CFAP20DC: variants seen among roughly 807,000 people sequenced by gnomAD.
The protein encoded by CFAP20DC is protein CFAP20DC.
In CFAP20DC, 84 loss-of-function variants were observed where a neutral mutation model predicts 101.7. The ratio of observed to expected loss-of-function variants is 0.83; its 90% confidence interval spans 0.69 to 0.99. CFAP20DC has a LOEUF of 0.99. CFAP20DC is among the 50% of genes least tolerant of loss of function. The pLI, the probability that CFAP20DC is intolerant of heterozygous loss-of-function variation, is 0.00. For missense variants in CFAP20DC, 1,007 were observed against 970.3 expected (o/e 1.04, Z -0.50); for synonymous variants, 359 against 351.2 (o/e 1.02, Z -0.25).
At chr3:58,951,061 C>T (rs901976941) in intron 4 of CFAP20DC, among the ~76,000 whole-genome samples, 31 of 151,980 alleles carry the variant, frequency 2.0e-4, no homozygotes, top group African/African-American at 6.8e-4. Context: ...AACAAATTTA[C>T]AAGAAAAAAA....
At position 58,868,676 on chromosome 3, in the gene CFAP20DC, C is replaced by T. The variant is rs976046934; in HGVS notation, c.1015+652G>A. Among the ~76,000 whole-genome samples the T allele has an allele frequency of 1.3e-5, 2 of 152,042 alleles. No individual in the cohort carries two copies. Among genetic ancestry groups the T allele is most frequent in the South Asian group, 2.1e-4 (1 of 4,816 alleles). On this transcript the variant is annotated intron_variant, in intron 9 of 16. Coordinates refer to ENST00000482387, the MANE Select transcript of CFAP20DC (RefSeq NM_001394063.1). The surrounding 1 kb of genome is among the most constrained non-coding windows in gnomAD (Gnocchi z 4.6). ...TTCCTTATTTCAGTTTCATACTCCA[C>T]GAGGGAAATTTTCTGTGACAGTGAT...
At position 59,032,028 on chromosome 3, in the gene CFAP20DC, G is replaced by C. The variant is rs534153875; in HGVS notation, c.278+7529C>G. Among the ~76,000 whole-genome samples, 9 of 152,278 alleles carry C rather than the reference G, an allele frequency of 5.9e-5. No homozygotes were observed. The East Asian group carries it at 1.7e-3, about 29-fold the overall frequency. The stretch of plus-strand genomic sequence containing the variant: ...ATCTCACTGAGACTGGTTGTACAAT[G>C]GGTGCAGCCCAAGGAGGGCGAGCCA... On this transcript the variant is annotated intron_variant, in intron 4 of 16. Transcript: ENST00000482387.
intron 4 of CFAP20DC, among the ~76,000 whole-genome samples, chr3:58,986,053 T>C (rs1175862114): frequency 1.3e-5 from 2 of 152,200 alleles, no homozygotes; most frequent in Non-Finnish European, 2.9e-5. Flanking sequence ...TGTTTTCCTT[T>C]ATTAGAAACT....
chr3:58,972,405 C>T (rs1418048394), intron 4 of CFAP20DC, among the ~76,000 whole-genome samples: 1 of 151,842 alleles, frequency 6.6e-6, no homozygotes, highest in Non-Finnish European at 1.5e-5. Context: ...TCTATAGGTC[C>T]CTGGAGTCAG....
chr3:58,816,438 C>T (rs979495601), intron 14 of CFAP20DC, among the ~76,000 whole-genome samples: 15 of 152,128 alleles, frequency 9.9e-5, no homozygotes, highest in African/African-American at 3.1e-4. Flanking sequence ...GTGCGTGCAC[C>T]GTGCGCGAGC....
intron 4 of CFAP20DC, among the ~76,000 whole-genome samples, chr3:59,029,674 C>T (rs2093953251): frequency 6.6e-6 from 1 of 152,088 alleles, no homozygotes; most frequent in Non-Finnish European, 1.5e-5. Flanking sequence ...TCAATGGGAA[C>T]TTCAGTTGGT....
intron 4 of CFAP20DC, among the ~76,000 whole-genome samples, chr3:59,016,848 C>A (rs1051565564): frequency 6.6e-6 from 1 of 152,026 alleles, no homozygotes; most frequent in Non-Finnish European, 1.5e-5. Context: ...AAAACAACAA[C>A]AGAAAACATC....
chr3:58,809,685 C>A (rs1316974108), intron 14 of CFAP20DC, among the ~76,000 whole-genome samples: 1 of 151,956 alleles, frequency 6.6e-6, no homozygotes, highest in Non-Finnish European at 1.5e-5. Context: ...TAGCAGAAGG[C>A]AAGACATAAC....
Position 58,867,970 on chromosome 3 carries a change from C to T in CFAP20DC, c.1016-34G>A, listed in dbSNP as rs199964995. 6.3e-6 allele frequency: 10 copies of T among 1,577,956 alleles called. No homozygotes were observed. In the East Asian group the frequency reaches 1.8e-4, roughly 29 times the overall value. ...TCATATCAAAGCACAAAAGCCAGAA[C>T]AGAAAGTGCTATATGGCTTGAAGTA... is the stretch of plus-strand genomic sequence containing the variant. On this transcript the variant is annotated intron_variant, in intron 9 of 16. Coordinates refer to ENST00000482387, the MANE Select transcript of CFAP20DC (RefSeq NM_001394063.1).
intron 15 of CFAP20DC, among the ~76,000 whole-genome samples, chr3:58,779,690 C>G (rs1054054099): frequency 6.6e-6 from 1 of 151,942 alleles, no homozygotes; most frequent in Non-Finnish European, 1.5e-5. Flanking sequence ...AAAGAAGGAG[C>G]AAAACATTCA....
rs1163156373 is a variant in CFAP20DC at position 58,820,430 on chromosome 3, G to T, written c.2175+11256C>A. 6.5e-4 allele frequency among the ~76,000 whole-genome samples: 97 copies of T among 150,082 alleles called. 1 individual carries two copies. The highest frequency in any genetic ancestry group is 3.5e-3 in the Middle Eastern group (1 of 286). On this transcript the variant is annotated intron_variant, in intron 14 of 16. Transcript: ENST00000482387. Reference sequence around the variant, plus strand: ...GCCCAAAATCTCCTTAAGCTGATAAGCAACTTCAGCAAAGTCTCAGGATAC... The same window carrying T: ...GCCCAAAATCTCCTTAAGCTGATAATCAACTTCAGCAAAGTCTCAGGATAC...
intron 14 of CFAP20DC, among the ~76,000 whole-genome samples, chr3:58,812,227 A>G (rs1203475099): frequency 1.3e-5 from 2 of 152,118 alleles, no homozygotes; most frequent in African/African-American, 4.8e-5. Flanking sequence ...AGGACTATAA[A>G]TCATGCTGCT....
chr3:58,937,279 C>G (rs990540605), intron 5 of CFAP20DC, among the ~76,000 whole-genome samples: 7 of 152,300 alleles, frequency 4.6e-5, no homozygotes, highest in African/African-American at 1.7e-4. Context: ...GCTGGAATGC[C>G]TGGCTTCCTA....
chr3:59,028,394 A>G (rs1399424473), intron 4 of CFAP20DC, among the ~76,000 whole-genome samples: 1 of 152,216 alleles, frequency 6.6e-6, no homozygotes, highest in Non-Finnish European at 1.5e-5. Context: ...AAAGATAGAA[A>G]TATCTCAGCA....
intron 6 of CFAP20DC, among the ~76,000 whole-genome samples, chr3:58,907,483 T>A (rs2083719852): frequency 6.6e-6 from 1 of 152,238 alleles, no homozygotes; most frequent in South Asian, 2.1e-4. Flanking sequence ...ATGTTTAACA[T>A]CTGCACACTG....
chr3:58,749,713 A>G (rs778348393), intron 16 of CFAP20DC, among the ~76,000 whole-genome samples: 24 of 149,516 alleles, frequency 1.6e-4, no homozygotes, highest in Non-Finnish European at 3.1e-4. Context: ...GACAGAGGTT[A>G]TTATTCCATT....
chr3:58,782,606 A>G (rs1362802753), intron 15 of CFAP20DC, among the ~76,000 whole-genome samples: 1 of 152,110 alleles, frequency 6.6e-6, no homozygotes, highest in African/African-American at 2.4e-5. Context: ...ACATACAAAT[A>G]TTAGTATCAT....
At chr3:59,041,543 T>A (rs1484893590) in intron 3 of CFAP20DC, among the ~76,000 whole-genome samples, 1 of 152,110 alleles carries the variant, frequency 6.6e-6, no homozygotes, top group Admixed American at 6.6e-5. Context: ...TGACTATTCA[T>A]GTCTACATTA....
At chr3:59,023,152 C>G (rs2093832275) in intron 4 of CFAP20DC, among the ~76,000 whole-genome samples, 1 of 140,232 alleles carries the variant, frequency 7.1e-6, no homozygotes, top group African/African-American at 2.8e-5. Flanking sequence ...GCTTTCTACT[C>G]TCTTGTTTTT....
Sources: gnomAD v4.1 joint callset for allele counts (sites outside exome capture counted in the v4.1 genomes callset) on GRCh38, gnomAD v4.1.1 for gene constraint, Gnocchi (gnomAD v3.1) non-coding constraint, MANE v1.5 for transcripts, NCBI Gene and HGNC (gene_info 2026-07-23, HGNC 2026-07-21) for gene names.